The following JHY variants were observed in gnomAD, a reference collection of about 807,000 sequenced individuals.
The protein encoded by JHY is jhy protein homolog.
Under a neutral mutation model 78.0 loss-of-function variants are expected in JHY, and 69 were observed. The ratio of observed to expected loss-of-function variants is 0.88; its 90% CI spans 0.73 to 1.08. The LOEUF is 1.08. Among genes scored for constraint, JHY ranks in the 50% least tolerant of loss-of-function variants. JHY has a pLI of 0.00. For synonymous variants in JHY, 368 were observed against 342.6 expected, an observed-to-expected ratio of 1.07 and a Z score of -0.82; for missense variants, 944 against 927.8, an observed-to-expected ratio of 1.02 and a Z score of -0.23.
chr11:122,913,783 A>G (rs1031972854), intron 3 of JHY, among the ~76,000 whole-genome samples: 38 of 152,182 alleles, frequency 2.5e-4, no homozygotes, highest in African/African-American at 8.9e-4. Flanking sequence ...TCATGTAAAG[A>G]TGACTGTCTA....
intron 3 of JHY, among the ~76,000 whole-genome samples, chr11:122,921,528 A>G (rs1271212493): frequency 1.3e-5 from 2 of 152,152 alleles, no homozygotes; most frequent in Non-Finnish European, 2.9e-5. Context: ...TTCTCCTCCA[A>G]GATAGAGTTG....
chr11:122,930,862 C>T (rs760709827), intron 4 of JHY, among the ~76,000 whole-genome samples: 6 of 152,154 alleles, frequency 3.9e-5, no homozygotes, highest in Non-Finnish European at 7.3e-5. Flanking sequence ...TAACAAAATA[C>T]TATAGATCAG....
At chr11:122,890,351 A>G (rs941538857) in intron 2 of JHY, among the ~76,000 whole-genome samples, 2 of 152,108 alleles carry the variant, frequency 1.3e-5, no homozygotes, top group African/African-American at 2.4e-5. Context: ...ATACCCATTC[A>G]TTGCATCTAG....
intron 3 of JHY, chr11:122,905,571 C>T: frequency 9.7e-7 from 1 of 1,031,752 alleles, no homozygotes; most frequent in Non-Finnish European, 1.2e-6. Flanking sequence ...CCTTTTTTGT[C>T]TTAAAGAATT....
rs147236003 is a variant in JHY at position 122,935,305 on chromosome 11, G to T, written c.1634+230G>T. 6.3e-3 allele frequency among the ~76,000 whole-genome samples: 961 copies of T among 151,898 alleles called. 11 individuals are homozygous for T. Among genetic ancestry groups the T allele is most frequent in the African/African-American group, 0.022 (924 of 41,408 alleles). On this transcript the variant is annotated intron_variant, in intron 5 of 8. Coordinates refer to ENST00000227349, the MANE Select transcript of JHY (RefSeq NM_024806.4). This position sits in a 1 kb window ranked among gnomAD's most constrained non-coding sequence, Gnocchi z 4.5. ...GCTGGAGTGCAGTGGTGCCATCTTG[G>T]CTCATTGCAACCTCCGCCTCCCGAG...
intron 5 of JHY, among the ~76,000 whole-genome samples, chr11:122,937,709 C>T (rs1194140100): frequency 2.0e-5 from 3 of 152,072 alleles, no homozygotes; most frequent in African/African-American, 7.2e-5. Flanking sequence ...ATCTCCATGC[C>T]CTCATGGAGA....
chr11:122,898,853 AGC>A lies in JHY; in HGVS notation c.345-5071_345-5070del, dbSNP rs1447253446. Among the ~76,000 whole-genome samples, 1 of 152,088 alleles carries A rather than the reference AGC, an allele frequency of 6.6e-6. No homozygotes were observed. Among genetic ancestry groups the A allele is most frequent in the African/African-American group, 2.4e-5 (1 of 41,396 alleles). ...GAGATCTGACCTTTGCTTGCCCTTG[AGC>A]TGTGCTCCTCGACCTGCCCTCCTCT... On this transcript the variant is annotated intron_variant, in intron 2 of 8. Coordinates refer to ENST00000227349, the MANE Select transcript of JHY (RefSeq NM_024806.4). The surrounding 1 kb of genome is among the most constrained non-coding windows in gnomAD (Gnocchi z 4.4).
At position 122,956,445 on chromosome 11, in the gene JHY, G is replaced by A. The variant is rs768807307; in HGVS notation, c.1930-51G>A. 4.6e-5 allele frequency: 71 copies of A among 1,538,152 alleles called. 1 individual carries two copies. Among genetic ancestry groups the A allele is most frequent in the East Asian group, 3.2e-4 (14 of 44,096 alleles). On this transcript the variant is annotated intron_variant, in intron 6 of 8. Transcript: ENST00000227349. The stretch of plus-strand genomic sequence containing the variant: ...GACACCTTACAGGGTGTTAGGAGTC[G>A]GGGGACACACAAGTCCTTAAAAGAA...
At chr11:122,904,822 A>G (rs1172995684) in intron 3 of JHY, among the ~76,000 whole-genome samples, 1 of 152,246 alleles carries the variant, frequency 6.6e-6, no homozygotes, top group East Asian at 1.9e-4. Flanking sequence ...ATGATAAAAT[A>G]TAGAACTTAA....
At chr11:122,931,912 A>T (rs1173175048) in intron 4 of JHY, among the ~76,000 whole-genome samples, 1 of 152,192 alleles carries the variant, frequency 6.6e-6, no homozygotes, top group African/African-American at 2.4e-5. Context: ...CCACCAAGAA[A>T]TTATCATCCC....
intron 1 of JHY, 66 bp from the exon 2 acceptor site, chr11:122,885,695 T>C (rs1862479403): frequency 1.7e-6 from 1 of 604,248 alleles, no homozygotes; most frequent in East Asian, 2.8e-5. Flanking sequence ...ATTTAAATAT[T>C]TGATTAACGT....
intron 3 of JHY, among the ~76,000 whole-genome samples, chr11:122,922,809 C>CAAAAAAAAAAAAAAAA (rs571482464): frequency 2.9e-4 from 13 of 44,372 alleles, no homozygotes; most frequent in African/African-American, 5.9e-4. Context: ...GACTCCGTCT[C>CAAAAAAAAAAAAAAAA]AAAAAAAAAA....
chr11:122,921,267 A>G lies in JHY; in HGVS notation c.865-3630A>G, dbSNP rs75097990. Among the ~76,000 whole-genome samples the G allele has an allele frequency of 2.4e-3, 373 of 152,378 alleles. 1 individual carries two copies. The highest frequency in any genetic ancestry group is 8.6e-3 in the African/African-American group (356 of 41,586). ...TCACCAGTGCTATGTAAGAGATTCC[A>G]TCATTGTCAATCAAACAGTATCAAC... On this transcript the variant is annotated intron_variant, in intron 3 of 8. Transcript: ENST00000227349.
rs1863467567 is a variant in JHY, at chr11:122,925,077, A to G, written c.978+67A>G. 5 of 1,211,934 alleles carry G rather than the reference A, an allele frequency of 4.1e-6. 1 individual carries two copies. The East Asian group carries it at 1.2e-4, about 29-fold the overall frequency. 75.1% of individuals were successfully genotyped at this position (1,211,934 alleles called of 1,614,324 possible). ...CTGCTGAATATAAGTAATGATCGTG[A>G]CTGAGTTCTTATCACTTAAGGGTTT... On this transcript the variant is annotated intron_variant, in intron 4 of 8. Coordinates refer to ENST00000227349, the MANE Select transcript of JHY (RefSeq NM_024806.4).
intron 5 of JHY, among the ~76,000 whole-genome samples, chr11:122,943,152 G>A (rs1324686849): frequency 6.6e-6 from 1 of 152,230 alleles, no homozygotes; most frequent in Non-Finnish European, 1.5e-5. Flanking sequence ...TGGGATTACA[G>A]GCACAAGCCA....
At chr11:122,906,571 A>T (rs115354158) in intron 3 of JHY, among the ~76,000 whole-genome samples, 19 of 152,338 alleles carry the variant, frequency 1.2e-4, no homozygotes, top group African/African-American at 4.6e-4. Flanking sequence ...TCTCAAAAGA[A>T]GCTGATCCGG....
At chr11:122,924,250 A>G (rs1457925415) in intron 3 of JHY, among the ~76,000 whole-genome samples, 1 of 152,120 alleles carries the variant, frequency 6.6e-6, no homozygotes, top group African/African-American at 2.4e-5. Flanking sequence ...CTAATTGTGC[A>G]GGTCTAGGAT....
chr11:122,933,973 T>A (rs1011833490), intron 4 of JHY, among the ~76,000 whole-genome samples: 1 of 152,206 alleles, frequency 6.6e-6, no homozygotes, highest in Non-Finnish European at 1.5e-5. Context: ...AAGACTTAAC[T>A]TTTAAAACTT....
At position 122,961,597 on chromosome 11, in the gene JHY, C is replaced by T. The variant is rs137959946; in HGVS notation, c.*2152C>T. On this transcript the variant is annotated 3_prime_UTR_variant, in exon 9 of 9. Transcript: ENST00000227349. Reference sequence around the variant, plus strand: ...CTTGAACTCCTGATCTCAGGTGATCCGCCCACCTTGGCCTTCCAAAGTGCT... The same window carrying T: ...CTTGAACTCCTGATCTCAGGTGATCTGCCCACCTTGGCCTTCCAAAGTGCT... Among the ~76,000 whole-genome samples, 1,007 of 152,234 alleles carry T rather than the reference C, an allele frequency of 6.6e-3. 17 individuals are homozygous for T. Among genetic ancestry groups the T allele is most frequent in the African/African-American group, 0.022 (934 of 41,536 alleles).
Sources: allele counts gnomAD v4.1 joint callset (sites outside exome capture counted in the v4.1 genomes callset), GRCh38; gene constraint gnomAD v4.1.1; non-coding constraint Gnocchi (gnomAD v3.1); transcripts MANE v1.5; gene names NCBI Gene and HGNC (gene_info 2026-07-23, HGNC 2026-07-21).